Variants in XIRP2 observed in about 807,000 individuals in gnomAD.
XIRP2 encodes the protein xin actin binding repeat containing 2, also known as xin actin-binding repeat-containing protein 2.
XIRP2 carries 236 observed loss-of-function variants against 277.0 expected under a neutral mutation model. The observed-to-expected ratio is 0.85, with a 90% CI of 0.77 to 0.95. The LOEUF (loss-of-function observed/expected upper bound fraction) is 0.95, where lower values mean the gene tolerates loss of function less well. Among genes scored for constraint, XIRP2 ranks in the 40% least tolerant of loss-of-function variants. The pLI, the probability that XIRP2 is intolerant of heterozygous loss-of-function variation, is 0.00. For missense variants in XIRP2, 4,640 were observed against 4,157.5 expected (o/e 1.12, Z -3.19); for synonymous variants, 1,490 against 1,416.5 (o/e 1.05, Z -1.17).
At position 167,242,673 on chromosome 2, in the gene XIRP2, A is replaced by T. The variant is rs566555301; in HGVS notation, c.1281A>T (p.Arg427Ser). 6.2e-7 allele frequency: 1 copy of T among 1,614,114 alleles called. No homozygotes were observed. Among genetic ancestry groups the T allele is most frequent in the Non-Finnish European group, 8.5e-7 (1 of 1,180,004 alleles). ...AGAGGAAGGAAACATCAACTACAAG[A>T]TATAGTGATCACAGTGTCACTTCCT... ...TSQRKETSTT[R>S]YSDHSVTSST... Residue 427 changes from arginine to serine, a missense_variant, in exon 9 of 11, where the codon AGA becomes AGT. Arg to Ser is a moderately radical substitution (Grantham distance 110). Coordinates refer to ENST00000409195, the MANE Select transcript of XIRP2 (RefSeq NM_152381.6).
At chr2:167,126,175 GCTCT>G (rs759213012) in intron 2 of XIRP2, among the ~76,000 whole-genome samples, 55 of 131,102 alleles carry the variant, frequency 4.2e-4, no homozygotes, top group Non-Finnish European at 5.7e-4. Flanking sequence ...CTCCTTGTGC[GCTCT>G]CTCTCTCTCT....
At chr2:167,219,966 G>T (rs1694374626) in intron 5 of XIRP2, among the ~76,000 whole-genome samples, 1 of 152,102 alleles carries the variant, frequency 6.6e-6, no homozygotes, top group Non-Finnish European at 1.5e-5. Context: ...AATATTACAG[G>T]TTTACAAAAA....
chr2:166,934,426 T>C (rs781140359), intron 2 of XIRP2, among the ~76,000 whole-genome samples: 1 of 152,132 alleles, frequency 6.6e-6, no homozygotes, highest in Non-Finnish European at 1.5e-5. Context: ...CATGGCTCTT[T>C]TCCCTAGTGA....
chr2:166,934,642 T>C (rs1685440725), intron 2 of XIRP2, among the ~76,000 whole-genome samples: 1 of 152,160 alleles, frequency 6.6e-6, no homozygotes, highest in South Asian at 2.1e-4. Flanking sequence ...AAATAAAACA[T>C]AAACATTAAT....
intron 3 of XIRP2, among the ~76,000 whole-genome samples, chr2:167,139,076 A>ATG: frequency 6.6e-6 from 1 of 150,852 alleles, no homozygotes; most frequent in South Asian, 2.1e-4. Flanking sequence ...CAAAAAATAT[A>ATG]TATATATGCA....
intron 3 of XIRP2, among the ~76,000 whole-genome samples, chr2:167,168,578 A>C (rs1003387346): frequency 6.6e-6 from 1 of 152,098 alleles, no homozygotes; most frequent in Non-Finnish European, 1.5e-5. Flanking sequence ...CATCTCTAGC[A>C]TTCCTTTTTG....
chr2:167,221,115 A>G (rs1694412640), intron 5 of XIRP2, among the ~76,000 whole-genome samples: 1 of 152,208 alleles, frequency 6.6e-6, no homozygotes, highest in Admixed American at 6.5e-5. Flanking sequence ...AGGTAAGAAT[A>G]AACTAGTAAA....
In XIRP2 at chr2:166,945,851, G is replaced by A. The variant is rs577369808; in HGVS notation, c.408+41961G>A. 2.0e-5 allele frequency among the ~76,000 whole-genome samples: 3 copies of A among 151,678 alleles called. No individual in the cohort carries two copies. The South Asian group carries it at 6.2e-4, about 32-fold the overall frequency. Reference sequence around the variant, plus strand: ...CACACCCGGCTAATTTTGTTTGTTTGTTTGTTTTTTTGGTAGAGATGGGGT... The same window carrying A: ...CACACCCGGCTAATTTTGTTTGTTTATTTGTTTTTTTGGTAGAGATGGGGT... On this transcript the variant is annotated intron_variant, in intron 2 of 10. Transcript: ENST00000409195.
chr2:166,969,731 A>C (rs999007650), intron 2 of XIRP2, among the ~76,000 whole-genome samples: 1 of 151,802 alleles, frequency 6.6e-6, no homozygotes, highest in African/African-American at 2.4e-5. Context: ...GTGTATGTTC[A>C]TTATGCCCTT....
intron 2 of XIRP2, among the ~76,000 whole-genome samples, chr2:167,060,928 A>C (rs1197959327): frequency 6.6e-6 from 1 of 152,102 alleles, no homozygotes; most frequent in Non-Finnish European, 1.5e-5. Flanking sequence ...GATTTTCATG[A>C]GATTGCATTG....
chr2:166,921,522 T>G lies in XIRP2; in HGVS notation c.408+17632T>G, dbSNP rs180703981. 1.4e-4 allele frequency among the ~76,000 whole-genome samples: 21 copies of G among 152,248 alleles called. No homozygotes were observed. The East Asian group carries it at 3.5e-3, about 25-fold the overall frequency. On this transcript the variant is annotated intron_variant, in intron 2 of 10. Transcript: ENST00000409195. ...CATCATAATTATTAAAAATACCCCT[T>G]TCATTCTCCAAAGTGTCTGGATGAT...
chr2:167,133,383 G>A (rs901552394), intron 2 of XIRP2, among the ~76,000 whole-genome samples: 3 of 152,130 alleles, frequency 2.0e-5, no homozygotes, highest in Admixed American at 2.0e-4. Context: ...GCCTCAGAAT[G>A]ACTTTGATGT....
At chr2:166,930,991 A>G (rs1346899576) in intron 2 of XIRP2, among the ~76,000 whole-genome samples, 1 of 152,156 alleles carries the variant, frequency 6.6e-6, no homozygotes, top group African/African-American at 2.4e-5. Flanking sequence ...GGGCAGTAGG[A>G]CACAGCCAGC....
In XIRP2 at chr2:167,230,942, G is replaced by A. The variant is rs367948261; in HGVS notation, c.859-8913G>A. ...ACCAGTAATGAATTTTGGCCATAAC[G>A]CAACAGTCCTACCACGCCAATCTCT... On this transcript the variant is annotated intron_variant, in intron 5 of 10. Transcript: ENST00000409195. 9.9e-5 allele frequency among the ~76,000 whole-genome samples: 15 copies of A among 151,916 alleles called. No homozygotes were observed. In the East Asian group the frequency reaches 1.5e-3, roughly 16 times the overall value.
chr2:167,067,894 T>C (rs552898422), intron 2 of XIRP2, among the ~76,000 whole-genome samples: 5 of 152,316 alleles, frequency 3.3e-5, no homozygotes, highest in African/African-American at 9.6e-5. Context: ...AGGCCTTATG[T>C]AGTTTTCAGT....
intron 2 of XIRP2, among the ~76,000 whole-genome samples, chr2:167,061,593 T>C (rs77103491): frequency 0.065 from 9,895 of 152,130 alleles, 591 homozygotes; most frequent in African/African-American, 0.16. Flanking sequence ...TTTGAAAATA[T>C]GGTCTTTACA....
At chr2:166,963,069 G>T (rs1177721135) in intron 2 of XIRP2, among the ~76,000 whole-genome samples, 1 of 151,434 alleles carries the variant, frequency 6.6e-6, no homozygotes, top group Non-Finnish European at 1.5e-5. Context: ...TAATTACCTT[G>T]ATCTGATCAC....
intron 3 of XIRP2, among the ~76,000 whole-genome samples, chr2:167,165,969 A>C (rs1692510899): frequency 6.6e-6 from 1 of 152,164 alleles, no homozygotes; most frequent in South Asian, 2.1e-4. Context: ...GTAGTTTTGC[A>C]CTTTACATTT....
At chr2:166,943,172 G>T (rs1481072590) in intron 2 of XIRP2, among the ~76,000 whole-genome samples, 1 of 151,602 alleles carries the variant, frequency 6.6e-6, no homozygotes, top group African/African-American at 2.4e-5. Context: ...GTAAGAAAAA[G>T]GTACTAACTA....
Sources: allele counts gnomAD v4.1 joint callset (sites outside exome capture counted in the v4.1 genomes callset), GRCh38; gene constraint gnomAD v4.1.1; transcripts MANE v1.5; gene names NCBI Gene and HGNC (gene_info 2026-07-23, HGNC 2026-07-21).